Variants in ARHGAP6 observed in about 807,000 individuals in gnomAD.
ARHGAP6 encodes the protein Rho GTPase activating protein 6, also known as rho GTPase-activating protein 6.
ARHGAP6 carries 16 observed loss-of-function variants against 55.7 expected under a neutral mutation model. That is an observed-to-expected ratio of 0.29 (90% CI 0.19 to 0.44). ARHGAP6 has a LOEUF of 0.44. Among genes scored for constraint, ARHGAP6 ranks in the 20% least tolerant of loss-of-function variants. The pLI is 1.00. For synonymous variants in ARHGAP6, 382 were observed against 360.9 expected (o/e 1.06, Z -0.66); for missense variants, 698 against 808.9 (o/e 0.86, Z 1.66).
At position 11,139,187 on chromosome X, in the gene ARHGAP6, G is replaced by A; in HGVS notation, c.2601C>T (p.Cys867=). 1 of 1,205,730 alleles carries A rather than the reference G, an allele frequency of 8.3e-7. No individual in the cohort carries two copies. Among genetic ancestry groups the A allele is most frequent in the Non-Finnish European group, 1.1e-6 (1 of 893,655 alleles). The change falls in exon 13 of 13, where the codon TGC becomes TGT. Residue 867 remains cysteine (C), a synonymous_variant. Coordinates refer to ENST00000337414, the MANE Select transcript of ARHGAP6 (RefSeq NM_013427.3). ...AGLQSRATPQ[C]QRPHGSGRDD... ...CCCTCCCACTCCCATGGGGTCTTTG[G>A]CACTGAGGTGTGGCCCGGCTCTGCA...
intron 1 of ARHGAP6, among the ~76,000 whole-genome samples, chrX:11,577,538 C>T (rs887855487): frequency 6.2e-5 from 7 of 112,029 alleles, no homozygotes; most frequent in Non-Finnish European, 1.3e-4. Context: ...CAGAAAGAAA[C>T]TACTAGAAAG....
intron 1 of ARHGAP6, among the ~76,000 whole-genome samples, chrX:11,603,807 T>C (rs142279943): frequency 0.011 from 1,224 of 112,108 alleles, 31 homozygotes; most frequent in East Asian, 0.072. Flanking sequence ...ATGCATAACA[T>C]CTCTGATTTA....
chrX:11,161,847 C>T (rs778551147), intron 9 of ARHGAP6, among the ~76,000 whole-genome samples: 9 of 111,673 alleles, frequency 8.1e-5, no homozygotes, highest in Non-Finnish European at 1.7e-4. Context: ...CTTGCTATGC[C>T]TCTGCTTCTA....
chrX:11,625,496 A>C (rs1355336672), intron 1 of ARHGAP6, among the ~76,000 whole-genome samples: 1 of 111,406 alleles, frequency 9.0e-6, no homozygotes, highest in Non-Finnish European at 1.9e-5. Flanking sequence ...GGTGTATCTC[A>C]TGGAGACAGT....
chrX:11,639,433 A>G (rs1361118028), intron 1 of ARHGAP6, among the ~76,000 whole-genome samples: 2 of 109,884 alleles, frequency 1.8e-5, no homozygotes, highest in African/African-American at 6.6e-5. Context: ...TCATTGTTCA[A>G]TTCTCACCTA....
rs1183785424 is a variant in ARHGAP6 at position 11,138,256 on chromosome X, G to A, written c.*607C>T. On this transcript the variant is annotated 3_prime_UTR_variant, in exon 13 of 13. Coordinates refer to ENST00000337414, the MANE Select transcript of ARHGAP6 (RefSeq NM_013427.3). The stretch of plus-strand genomic sequence containing the variant: ...AAAGCATTCAGTGATTTTTCTTTTT[G>A]TATCTGACTCCTATGTAAAAATATG... The A allele has an allele frequency of 9.0e-6, 1 of 111,619 alleles. No individual in the cohort carries two copies. The highest frequency in any genetic ancestry group is 2.8e-4 in the East Asian group (1 of 3,572). 9.2% of individuals were successfully genotyped at this position (111,619 alleles called of 1,213,427 possible).
At chrX:11,497,486 G>A (rs1344506389) in intron 1 of ARHGAP6, among the ~76,000 whole-genome samples, 1 of 108,883 alleles carries the variant, frequency 9.2e-6, no homozygotes, top group Non-Finnish European at 1.9e-5. Context: ...ACCCCATGAT[G>A]GGATTAGTAC....
chrX:11,429,653 CCTTT>C (rs1482713113), intron 1 of ARHGAP6, among the ~76,000 whole-genome samples: 1 of 112,333 alleles, frequency 8.9e-6, no homozygotes, highest in African/African-American at 3.2e-5. Flanking sequence ...ACCCAAGTCT[CCTTT>C]CTTCTGCTTT....
At chrX:11,448,453 A>G (rs1021701584) in intron 1 of ARHGAP6, among the ~76,000 whole-genome samples, 11 of 111,826 alleles carry the variant, frequency 9.8e-5, no homozygotes, top group Non-Finnish European at 2.1e-4. Context: ...GGTTCAGAGC[A>G]CTGGTTGGCC....
At chrX:11,471,203 CTCA>C (rs760661077) in intron 1 of ARHGAP6, among the ~76,000 whole-genome samples, 1 of 111,315 alleles carries the variant, frequency 9.0e-6, no homozygotes, top group Admixed American at 9.6e-5. Context: ...TAAAGACCAG[CTCA>C]TCATCAATTT....
intron 1 of ARHGAP6, among the ~76,000 whole-genome samples, chrX:11,602,682 T>C (rs944709898): frequency 3.5e-5 from 4 of 112,892 alleles, no homozygotes; most frequent in Non-Finnish European, 5.6e-5. Flanking sequence ...ACAGTGGGTA[T>C]TGTCCAGTTG....
chrX:11,617,940 C>T (rs1364125900), intron 1 of ARHGAP6, among the ~76,000 whole-genome samples: 1 of 111,697 alleles, frequency 9.0e-6, no homozygotes, highest in Non-Finnish European at 1.9e-5. Context: ...ATTTCTGTTC[C>T]TGCCAGGTAA....
chrX:11,225,550 T>G (rs2047034567), intron 2 of ARHGAP6: 1 of 216,434 alleles, frequency 4.6e-6, no homozygotes, highest in Non-Finnish European at 8.4e-6. Context: ...ATAAATGTTG[T>G]CTAATAGTGT....
chrX:11,599,064 C>CATAA (rs201156172), intron 1 of ARHGAP6, among the ~76,000 whole-genome samples: 1,808 of 110,716 alleles, frequency 0.016, 39 homozygotes, highest in African/African-American at 0.056. Context: ...TCTCCAAATA[C>CATAA]ATAAATAAAT....
chrX:11,232,004 T>C (rs750864352), intron 2 of ARHGAP6, among the ~76,000 whole-genome samples: 1 of 111,786 alleles, frequency 8.9e-6, no homozygotes, highest in Non-Finnish European at 1.9e-5. Context: ...ATGTATGGAG[T>C]AAATGTGATA....
chrX:11,366,974 T>C (rs1344859622), intron 1 of ARHGAP6, among the ~76,000 whole-genome samples: 2 of 111,441 alleles, frequency 1.8e-5, no homozygotes, highest in African/African-American at 6.5e-5. Context: ...TAACATGCCT[T>C]CAAAGGAGAG....
chrX:11,466,212 T>A (rs2050291564), intron 1 of ARHGAP6, among the ~76,000 whole-genome samples: 1 of 111,688 alleles, frequency 9.0e-6, no homozygotes, highest in Admixed American at 9.5e-5. Context: ...TGGAAACCCA[T>A]AAAGGCTTAC....
intron 1 of ARHGAP6, among the ~76,000 whole-genome samples, chrX:11,331,753 T>C (rs182764069): frequency 8.9e-6 from 1 of 112,033 alleles, no homozygotes; most frequent in East Asian, 2.8e-4. Context: ...GTGTTATTCT[T>C]CTTTATTGGT....
At position 11,590,869 on chromosome X, in the gene ARHGAP6, G is replaced by GAAAAGAAAGAAGGAAA. The variant is rs2051813205; in HGVS notation, c.588+73371_588+73372insTTTCCTTCTTTCTTTT. Among the ~76,000 whole-genome samples the GAAAAGAAAGAAGGAAA allele has an allele frequency of 1.1e-3, 27 of 24,221 alleles. 7 individuals carry two copies. The highest frequency in any genetic ancestry group is 5.1e-3 in the African/African-American group (24 of 4,716). The allele number at this position is 24,221 out of a possible 115,157, so 21.0% of individuals were successfully genotyped here. The stretch of plus-strand genomic sequence containing the variant: ...AAGAAAAGAAAAGAAAAGAAAAGAA[G>GAAAAGAAAGAAGGAAA]GAAAGAAAGAAAGAAAGAAAGAAAG... On this transcript the variant is annotated intron_variant, in intron 1 of 12. Coordinates refer to ENST00000337414, the MANE Select transcript of ARHGAP6 (RefSeq NM_013427.3).
Sources: allele counts gnomAD v4.1 joint callset (sites outside exome capture counted in the v4.1 genomes callset), GRCh38; gene constraint gnomAD v4.1.1; transcripts MANE v1.5; gene names NCBI Gene and HGNC (gene_info 2026-07-23, HGNC 2026-07-21).